The following RSF1 variants were observed in gnomAD, a reference collection of about 807,000 sequenced individuals.
The protein encoded by RSF1 is remodeling and spacing factor 1.
In RSF1, 13 loss-of-function variants were observed where a neutral mutation model predicts 145.2. The observed-to-expected ratio is 0.09, with a 90% CI of 0.06 to 0.14. The LOEUF is 0.14. RSF1 is among the 10% of genes least tolerant of loss of function. The pLI, the probability that RSF1 is intolerant of heterozygous loss-of-function variation, is 1.00. For missense variants in RSF1, 1,517 were observed against 1,718.2 expected (o/e 0.88, Z 2.07); for synonymous variants, 577 against 592.6 (o/e 0.97, Z 0.38).
chr11:77,662,691 A>T lies in RSF1; in HGVS notation c.*4226T>A, dbSNP rs1959257995. The T allele has an allele frequency of 6.6e-6, 1 of 152,186 alleles. No individual in the cohort carries two copies. The highest frequency in any genetic ancestry group is 2.1e-4 in the South Asian group (1 of 4,834). 9.4% of individuals were successfully genotyped at this position (152,186 alleles called of 1,614,324 possible). A position where few individuals can be genotyped will look rare whatever the true frequency, so the allele number is the denominator to read the frequency against. ...AAAATCAGTTAACTTGCCACTTCCA[A>T]GGTAGGTTTACAGGCACACACTTTG... On this transcript the variant is annotated 3_prime_UTR_variant, in exon 16 of 16. Transcript: ENST00000308488.
chr11:77,858,414 C>T, the RSF1 span, among the ~76,000 whole-genome samples: 1 of 146,814 alleles, frequency 6.8e-6, no homozygotes, highest in Non-Finnish European at 1.5e-5. Flanking sequence ...GGCTCGAATG[C>T]CTGCTGTGCT....
intron 1 of RSF1, among the ~76,000 whole-genome samples, chr11:77,797,791 A>G (rs1948587442): frequency 6.6e-6 from 1 of 152,192 alleles, no homozygotes; most frequent in Non-Finnish European, 1.5e-5. Context: ...TCCAGAATCT[A>G]CAACAAACTT....
At chr11:77,749,873 C>A (rs568493006) in intron 2 of RSF1, among the ~76,000 whole-genome samples, 1 of 152,188 alleles carries the variant, frequency 6.6e-6, no homozygotes, top group South Asian at 2.1e-4. Context: ...CTCAGCCTCC[C>A]GAGTAGCTGA....
At chr11:77,860,843 G>A in the RSF1 span, among the ~76,000 whole-genome samples, 1 of 152,132 alleles carries the variant, frequency 6.6e-6, no homozygotes. Flanking sequence ...AGAGTACAAC[G>A]GTTAGGTACA....
intron 1 of RSF1, among the ~76,000 whole-genome samples, chr11:77,781,437 A>G (rs892746756): frequency 6.6e-6 from 1 of 152,082 alleles, no homozygotes; most frequent in African/African-American, 2.4e-5. Context: ...TGCTATGAAT[A>G]TTTCTGTGCA....
At chr11:77,762,728 G>A (rs532519773) in intron 2 of RSF1, 1 of 152,172 alleles carries the variant, frequency 6.6e-6, no homozygotes, top group African/African-American at 2.4e-5. Context: ...TGTCTGCTAT[G>A]AGCAAAGCAA....
rs776793377 is a variant in RSF1, at chr11:77,700,694, TTTAA to T, written c.2508+23_2508+26del. On this transcript the variant is annotated intron_variant, in intron 6 of 15. Transcript: ENST00000308488. ...CTATTAATATATAGAGACAAATATT[TTTAA>T]TTAAAGTTAAGACAAGTTTTACCTT... is the stretch of plus-strand genomic sequence containing the variant. The T allele has an allele frequency of 1.2e-5, 18 of 1,498,982 alleles. No individual in the cohort carries two copies. The South Asian group carries it at 1.5e-4, about 12-fold the overall frequency. The allele number at this position is 1,498,982 out of a possible 1,614,324, so 92.9% of individuals were successfully genotyped here.
the RSF1 span, among the ~76,000 whole-genome samples, chr11:77,856,451 T>A: frequency 8.5e-4 from 129 of 152,328 alleles, 1 homozygote; most frequent in African/African-American, 2.9e-3. Flanking sequence ...GCTTCCACAT[T>A]TTTTAGTATC....
Position 77,702,029 on chromosome 11 carries a change from C to T in RSF1, c.1200G>A (p.Lys400=). ...GAGTAACTGATTTACACAAAGGTCC[C>T]TTGACTGGACTGTCAAAATCATCAC... ...KLSDDFDSPV[K]GPLCKSVTPT... Residue 400 remains lysine, a synonymous_variant, in exon 6 of 16, where the codon AAG becomes AAA. Transcript: ENST00000308488. The T allele has an allele frequency of 6.2e-7, 1 of 1,613,746 alleles. No individual in the cohort carries two copies. The highest frequency in any genetic ancestry group is 8.5e-7 in the Non-Finnish European group (1 of 1,179,920).
chr11:77,800,949 G>A (rs954613757), intron 1 of RSF1, among the ~76,000 whole-genome samples: 2 of 152,050 alleles, frequency 1.3e-5, no homozygotes, highest in African/African-American at 4.8e-5. Context: ...AGGTGGCAGT[G>A]AGCCATAATC....
At chr11:77,787,637 T>A (rs780132881) in intron 1 of RSF1, among the ~76,000 whole-genome samples, 2 of 152,012 alleles carry the variant, frequency 1.3e-5, no homozygotes, top group African/African-American at 2.4e-5. Flanking sequence ...TAAACGCATA[T>A]CCAGTCCCAC....
chr11:77,784,359 CTTTCA>C (rs1948433909), intron 1 of RSF1, among the ~76,000 whole-genome samples: 1 of 151,488 alleles, frequency 6.6e-6, no homozygotes, highest in South Asian at 2.1e-4. Context: ...TTTTTCTTAT[CTTTCA>C]TTTCTTTCAT....
At chr11:77,686,605 T>G (rs1960014377) in intron 9 of RSF1, among the ~76,000 whole-genome samples, 1 of 151,952 alleles carries the variant, frequency 6.6e-6, no homozygotes, top group African/African-American at 2.4e-5. Context: ...TCTTTTAGAG[T>G]GCAGCCTTTA....
chr11:77,670,994 C>A (rs1959508496), intron 15 of RSF1, among the ~76,000 whole-genome samples: 1 of 147,268 alleles, frequency 6.8e-6, no homozygotes, highest in Admixed American at 6.8e-5. Flanking sequence ...AAAATCCTAG[C>A]TATTGGGAGG....
chr11:77,764,030 T>C (rs1261585691), intron 2 of RSF1: 1 of 152,130 alleles, frequency 6.6e-6, no homozygotes, highest in Non-Finnish European at 1.5e-5. Context: ...GTCAGTAGAT[T>C]CTCATAAGGA....
At chr11:77,677,790 A>C (rs930800000) in intron 12 of RSF1, among the ~76,000 whole-genome samples, 1 of 152,196 alleles carries the variant, frequency 6.6e-6, no homozygotes, top group African/African-American at 2.4e-5. Flanking sequence ...ACAACTGAAA[A>C]GTTTCCTCAG....
the RSF1 span, among the ~76,000 whole-genome samples, chr11:77,850,239 G>T: frequency 3.3e-5 from 5 of 152,194 alleles, no homozygotes; most frequent in Non-Finnish European, 7.3e-5. Context: ...AGGTCTTCAA[G>T]CAGTATCCTG....
chr11:77,779,143 C>T (rs1450780849), intron 1 of RSF1, among the ~76,000 whole-genome samples: 1 of 151,792 alleles, frequency 6.6e-6, no homozygotes, highest in African/African-American at 2.4e-5. Flanking sequence ...ACGGTTTCAC[C>T]ATGTTGGCCA....
intron 2 of RSF1, among the ~76,000 whole-genome samples, chr11:77,749,595 C>T (rs1239262812): frequency 6.6e-6 from 1 of 152,070 alleles, no homozygotes; most frequent in East Asian, 1.9e-4. Flanking sequence ...ACTACTGATT[C>T]GCATCTATGT....
Sources: allele counts gnomAD v4.1 joint callset (sites outside exome capture counted in the v4.1 genomes callset), GRCh38; gene constraint gnomAD v4.1.1; transcripts MANE v1.5; gene names NCBI Gene and HGNC (gene_info 2026-07-23, HGNC 2026-07-21).